The following VCPIP1 variants were observed in gnomAD, a reference collection of about 807,000 sequenced individuals.
VCPIP1 encodes the protein valosin containing protein interacting protein 1, also known as deubiquitinating protein VCPIP1.
Under a neutral mutation model 85.0 loss-of-function variants are expected in VCPIP1, and 8 were observed. That is an observed-to-expected ratio of 0.09 (90% CI 0.06 to 0.17). The LOEUF (loss-of-function observed/expected upper bound fraction) is 0.17, where lower values mean the gene tolerates loss of function less well. VCPIP1 is among the 10% of genes least tolerant of loss of function. The pLI is 1.00. For missense variants in VCPIP1, 1,070 were observed against 1,486.3 expected (o/e 0.72, Z 4.61); for synonymous variants, 543 against 544.5 (o/e 1.00, Z 0.04).
Position 66,628,590 on chromosome 8 carries a change from CATAATGAGCTGTT to C in VCPIP1, c.*5898_*5910del, listed in dbSNP as rs1810801920. 1 of 152,108 alleles carries C rather than the reference CATAATGAGCTGTT, an allele frequency of 6.6e-6. No homozygotes were observed. Among genetic ancestry groups the C allele is most frequent in the Admixed American group, 6.6e-5 (1 of 15,264 alleles). 9.4% of individuals were successfully genotyped at this position (152,108 alleles called of 1,614,324 possible). The stretch of plus-strand genomic sequence containing the variant: ...AGAGCCAGACAATAAAAATAAAATC[CATAATGAGCTGTT>C]ATAAGTAGGATGTTTATCTTATTTA... On this transcript the variant is annotated 3_prime_UTR_variant, in exon 3 of 3. Coordinates refer to ENST00000310421, the MANE Select transcript of VCPIP1 (RefSeq NM_025054.5).
At chr8:66,640,256 TAAC>T (rs997422397) in intron 2 of VCPIP1, among the ~76,000 whole-genome samples, 9 of 152,206 alleles carry the variant, frequency 5.9e-5, no homozygotes, top group Non-Finnish European at 8.8e-5. Context: ...AGAATTCTAA[TAAC>T]AACAACAAAC....
At chr8:66,638,985 T>TATATATATATATATATATATATATATAC (rs1302544149) in intron 2 of VCPIP1, among the ~76,000 whole-genome samples, 1 of 148,942 alleles carries the variant, frequency 6.7e-6, no homozygotes, top group African/African-American at 2.5e-5. Flanking sequence ...TATATATATA[T>TATATATATATATATATATATATATATAC]ACATATATTT....
rs1306649846 is a variant in VCPIP1, at chr8:66,664,789, C to A, written c.2170G>T (p.Ala724Ser). ...GTTTTCCGTTTCTGCATTACAGAAG[C>A]CTGTTCCGTAATATTCTGTTGAATA... The part of the protein sequence containing the change: ...RTIQQNITEQ[A>S]SVMQKRKTEK... Residue 724 changes from alanine to serine, a missense_variant, in exon 1 of 3, where the codon GCT becomes TCT. Coordinates refer to ENST00000310421, the MANE Select transcript of VCPIP1 (RefSeq NM_025054.5). The A allele has an allele frequency of 1.9e-6, 3 of 1,612,618 alleles. No individual in the cohort carries two copies. The highest frequency in any genetic ancestry group is 3.4e-5 in the Admixed American group (2 of 59,590).
At chr8:66,654,121 C>T (rs979996175) in intron 1 of VCPIP1, among the ~76,000 whole-genome samples, 1 of 152,198 alleles carries the variant, frequency 6.6e-6, no homozygotes, top group Non-Finnish European at 1.5e-5. Context: ...AGTGGGAGAG[C>T]CAGGATTTGA....
chr8:66,645,919 G>T (rs372133547), intron 2 of VCPIP1, among the ~76,000 whole-genome samples: 11 of 152,108 alleles, frequency 7.2e-5, no homozygotes, highest in African/African-American at 2.4e-4. Flanking sequence ...AACAAAGTGG[G>T]ACCCTGTCTC....
rs1164045127 is a variant in VCPIP1, at chr8:66,665,367, C to T, written c.1592G>A (p.Gly531Glu). Residue 531 changes from glycine to glutamate, a missense_variant, in exon 1 of 3, where the codon GGA becomes GAA. Gly to Glu is a moderately conservative substitution (Grantham distance 98). Coordinates refer to ENST00000310421, the MANE Select transcript of VCPIP1 (RefSeq NM_025054.5). This position sits in a 1 kb window ranked among gnomAD's most constrained non-coding sequence, Gnocchi z 4.3. ...ATTACAAGCTGTTAGGTTACTCATT[C>T]CATAGTCTGGTACCAGAACATCTTT... ...SVKDVLVPDYGMSNLTACNWC... is the reference protein window; with the variant it reads ...SVKDVLVPDYEMSNLTACNWC... 6.2e-7 allele frequency: 1 copy of T among 1,614,150 alleles called. No individual in the cohort carries two copies. The highest frequency in any genetic ancestry group is 2.2e-5 in the East Asian group (1 of 44,890).
Position 66,666,938 on chromosome 8 carries a change from C to T in VCPIP1, c.21G>A (p.Pro7=). ...GAGGTGGCGGCGGCAACGGAGGCGGCGGCGGCGGCGGCTGAGACATAGCTC... is the reference window on the plus strand; with the variant it reads ...GAGGTGGCGGCGGCAACGGAGGCGGTGGCGGCGGCGGCTGAGACATAGCTC... MSQPPP[P]PPPLPPPPPP... is the part of the protein sequence containing the mutation. The change falls in exon 1 of 3, where the codon CCG becomes CCA. Residue 7 remains proline (P), a synonymous_variant. Coordinates refer to ENST00000310421, the MANE Select transcript of VCPIP1 (RefSeq NM_025054.5). This position sits in a 1 kb window ranked among gnomAD's most constrained non-coding sequence, Gnocchi z 6.3. 1 of 1,573,064 alleles carries T rather than the reference C, an allele frequency of 6.4e-7. No individual in the cohort carries two copies. Among genetic ancestry groups the T allele is most frequent in the South Asian group, 1.1e-5 (1 of 87,438 alleles).
At chr8:66,650,066 T>G (rs1377088619) in intron 2 of VCPIP1, among the ~76,000 whole-genome samples, 2 of 152,068 alleles carry the variant, frequency 1.3e-5, no homozygotes, top group Non-Finnish European at 2.9e-5. Flanking sequence ...TGACTTTTTT[T>G]TTTAAAGAGT....
Position 66,665,787 on chromosome 8 carries a change from A to G in VCPIP1, c.1172T>C (p.Leu391Pro), listed in dbSNP as rs973159938. Residue 391 changes from leucine to proline, a missense_variant, in exon 1 of 3, where the codon CTT (leucine) becomes CCT (proline). Physicochemically the swap from Leu to Pro is moderately conservative, Grantham distance 98. This residue lies in a region of VCPIP1 where 83 missense variants were observed against 134.6 expected (regional missense o/e 0.62). Coordinates refer to ENST00000310421, the MANE Select transcript of VCPIP1 (RefSeq NM_025054.5). The surrounding 1 kb of genome is among the most constrained non-coding windows in gnomAD (Gnocchi z 4.3). ...PQDLIKKYIK[L>P]EEDGGCVIGG... ...AATAACACAACCACCATCCTCTTCAAGTTTTATGTACTTTTTAATAAGGTC... is the reference window on the plus strand; with the variant it reads ...AATAACACAACCACCATCCTCTTCAGGTTTTATGTACTTTTTAATAAGGTC... 7 of 1,614,018 alleles carry G rather than the reference A, an allele frequency of 4.3e-6. No homozygotes were observed. The Admixed American group carries it at 1.0e-4, about 23-fold the overall frequency.
chr8:66,630,589 A>G lies in VCPIP1; in HGVS notation c.*3912T>C, dbSNP rs1210938083. On this transcript the variant is annotated 3_prime_UTR_variant, in exon 3 of 3. Transcript: ENST00000310421. ...ATCAACTAAAACTTTTTTCTTTACT[A>G]ATTTTTCCTTTTCTTTTACAAGAGA... is the stretch of plus-strand genomic sequence containing the variant. 6.6e-6 allele frequency: 1 copy of G among 152,548 alleles called. No homozygotes were observed. The highest frequency in any genetic ancestry group is 6.5e-5 in the Admixed American group (1 of 15,282). The allele number at this position is 152,548 out of a possible 1,614,324, so 9.4% of individuals were successfully genotyped here.
At chr8:66,638,970 C>CTCTCTCTCTCTATATATA in intron 2 of VCPIP1, among the ~76,000 whole-genome samples, 7 of 118,422 alleles carry the variant, frequency 5.9e-5, no homozygotes, top group African/African-American at 2.0e-4. Flanking sequence ...CTCTCTCTCT[C>CTCTCTCTCTCTATATATA]TATATATATA....
Position 66,629,862 on chromosome 8 carries a change from G to T in VCPIP1, c.*4639C>A, listed in dbSNP as rs1001351218. The stretch of plus-strand genomic sequence containing the variant: ...GACCGTTTTGGTTTTTTTTTAAATT[G>T]CGCACTCTTTTTTCACTGGGTCCAT... On this transcript the variant is annotated 3_prime_UTR_variant, in exon 3 of 3. Transcript: ENST00000310421. 1 of 151,860 alleles carries T rather than the reference G, an allele frequency of 6.6e-6. No homozygotes were observed. Among genetic ancestry groups the T allele is most frequent in the African/African-American group, 2.4e-5 (1 of 41,320 alleles). The allele number at this position is 151,860 out of a possible 1,614,324, so 9.4% of individuals were successfully genotyped here.
At chr8:66,647,879 A>C (rs1232776568) in intron 2 of VCPIP1, among the ~76,000 whole-genome samples, 3 of 152,156 alleles carry the variant, frequency 2.0e-5, no homozygotes, top group Admixed American at 6.5e-5. Context: ...CTAGAAAAAA[A>C]CACAATTGAT....
Position 66,628,851 on chromosome 8 carries a change from A to G in VCPIP1, c.*5650T>C, listed in dbSNP as rs796325358. ...TGGTCGGCAGAACAAAAGGTTGACA[A>G]TTGTGAAACCACAAGGTTACAGAAG... is the stretch of plus-strand genomic sequence containing the variant. On this transcript the variant is annotated 3_prime_UTR_variant, in exon 3 of 3. Coordinates refer to ENST00000310421, the MANE Select transcript of VCPIP1 (RefSeq NM_025054.5). The G allele has an allele frequency of 2.0e-4, 30 of 152,354 alleles. No individual in the cohort carries two copies. Among genetic ancestry groups the G allele is most frequent in the African/African-American group, 6.7e-4 (28 of 41,582 alleles). 9.4% of individuals were successfully genotyped at this position (152,354 alleles called of 1,614,324 possible).
intron 2 of VCPIP1, among the ~76,000 whole-genome samples, chr8:66,648,347 G>A (rs1427688425): frequency 6.6e-6 from 1 of 152,166 alleles, no homozygotes; most frequent in Non-Finnish European, 1.5e-5. Flanking sequence ...AGCAGCCATA[G>A]ACAACATGTA....
chr8:66,634,586 C>G lies in VCPIP1; in HGVS notation c.3584G>C (p.Arg1195Thr). The G allele has an allele frequency of 6.2e-7, 1 of 1,614,186 alleles. No individual in the cohort carries two copies. Among genetic ancestry groups the G allele is most frequent in the Non-Finnish European group, 8.5e-7 (1 of 1,180,038 alleles). The change falls in exon 3 of 3, where the codon AGG becomes ACG. Residue 1195 changes from arginine (R) to threonine (T), a missense_variant. By Grantham distance (71) the Arg-to-Thr change is moderately conservative. Transcript: ENST00000310421. ...TTCAAGCTCCTCCACGGAATTTCCC[C>G]TTTGTGCTTTTGACCTTGTGGCAAA... ...AAFATRSKAQ[R>T]GNSVEELEEM...
chr8:66,651,362 T>C lies in VCPIP1; in HGVS notation c.2797+96A>G. 3 of 930,046 alleles carry C rather than the reference T, an allele frequency of 3.2e-6. No individual in the cohort carries two copies. In the South Asian group the frequency reaches 6.4e-5, roughly 20 times the overall value. 57.6% of individuals were successfully genotyped at this position (930,046 alleles called of 1,614,324 possible). ...AAAGAATATAAACCTAAAATTAACT[T>C]TGAAAATATTTTAGTAGAAAACTAT... On this transcript the variant is annotated intron_variant, in intron 2 of 2. Coordinates refer to ENST00000310421, the MANE Select transcript of VCPIP1 (RefSeq NM_025054.5).
At chr8:66,661,891 C>A (rs1375559281) in intron 1 of VCPIP1, among the ~76,000 whole-genome samples, 1 of 150,156 alleles carries the variant, frequency 6.7e-6, no homozygotes, top group East Asian at 2.0e-4. Context: ...AGCCTCCTGA[C>A]AAGCTGGGAC....
At chr8:66,657,027 T>G (rs1370509586) in intron 1 of VCPIP1, among the ~76,000 whole-genome samples, 1 of 152,026 alleles carries the variant, frequency 6.6e-6, no homozygotes, top group Non-Finnish European at 1.5e-5. Flanking sequence ...TGCCTCAGCC[T>G]CCCGAGTAGC....
Sources: gnomAD v4.1 joint callset for allele counts (sites outside exome capture counted in the v4.1 genomes callset) on GRCh38, gnomAD v4.1.1 for gene constraint, gnomAD v4.1.1 regional missense constraint, Gnocchi (gnomAD v3.1) non-coding constraint, MANE v1.5 for transcripts, NCBI Gene and HGNC (gene_info 2026-07-23, HGNC 2026-07-21) for gene names.